The following CELF2 variants were observed in gnomAD, a reference collection of about 807,000 sequenced individuals.
The protein encoded by CELF2 is CUG triplet repeat RNA-binding protein 2.
In CELF2, 8 loss-of-function variants were observed where a neutral mutation model predicts 62.6. The ratio of observed to expected loss-of-function variants is 0.13; its 90% CI spans 0.07 to 0.23. The LOEUF is 0.23. Ranked by LOEUF, CELF2 falls within the 10% of genes least tolerant of loss-of-function variation. The pLI, the probability that CELF2 is intolerant of heterozygous loss-of-function variation, is 1.00. For synonymous variants in CELF2, 258 were observed against 250.0 expected (o/e 1.03, Z -0.30); for missense variants, 333 against 671.0 (o/e 0.50, Z 5.56).
rs56364371 is a variant in CELF2, at chr10:11,032,146, C to CAAAAAAA, written c.74+14002_74+14008dup. ...CTCCCAGCTCCACATAGGGCTTAGC[C>CAAAAAAA]AAAAAAAAAAAAAAAAAAAAAAAAA... On this transcript the variant is annotated intron_variant, in intron 1 of 12. Transcript: ENST00000633077. Among the ~76,000 whole-genome samples, 4 of 86,396 alleles carry CAAAAAAA rather than the reference C, an allele frequency of 4.6e-5. No individual in the cohort carries two copies. The South Asian group carries it at 1.1e-3, about 23-fold the overall frequency. 56.7% of individuals were successfully genotyped at this position (86,396 alleles called of 152,430 possible).
chr10:10,905,782 G>A (rs544046327), intron 1 of CELF2, among the ~76,000 whole-genome samples: 1 of 152,040 alleles, frequency 6.6e-6, no homozygotes, highest in East Asian at 1.9e-4. Flanking sequence ...GGAGGCTGAG[G>A]CAAGAGAATG....
chr10:10,928,104 C>T lies in CELF2; in HGVS notation c.89+8105C>T, dbSNP rs781023945. On this transcript the variant is annotated intron_variant, in intron 2 of 13. Transcript: ENST00000636488. The surrounding 1 kb of genome is among the most constrained non-coding windows in gnomAD (Gnocchi z 4.8). ...CTCCTTTCACCACCCTATTAAGTAA[C>T]CCCCCAACACACTTCCTATCACATC... Among the ~76,000 whole-genome samples, 1 of 152,114 alleles carries T rather than the reference C, an allele frequency of 6.6e-6. No homozygotes were observed.
rs567808205 is a variant in CELF2 at position 10,810,788 on chromosome 10, G to C, written c.53+11971G>C. Among the ~76,000 whole-genome samples, 4 of 152,222 alleles carry C rather than the reference G, an allele frequency of 2.6e-5. No homozygotes were observed. In the South Asian group the frequency reaches 8.3e-4, roughly 32 times the overall value. On this transcript the variant is annotated intron_variant, in intron 1 of 13. Coordinates refer to the CELF2 transcript ENST00000636488. ...AAGTCATGCCAACAAGAAGTGGGTA[G>C]AGTGAGTGCCATCGTGGTGGAGCTT...
rs2050643602 is a variant in CELF2 at position 11,098,807 on chromosome 10, G to A, written c.75-66679G>A. 6.6e-6 allele frequency among the ~76,000 whole-genome samples: 1 copy of A among 152,156 alleles called. No homozygotes were observed. The highest frequency in any genetic ancestry group is 1.5e-5 in the Non-Finnish European group (1 of 68,032). On this transcript the variant is annotated intron_variant, in intron 1 of 12. Coordinates refer to ENST00000633077, the MANE Select transcript of CELF2 (RefSeq NM_001326342.2). The surrounding 1 kb of genome is among the most constrained non-coding windows in gnomAD (Gnocchi z 4.0). ...ACTGCTGGACAGCTGATTTGACCGA[G>A]GCTTCTTGGCTCTGCACCGGGTGAT...
chr10:10,837,446 G>T (rs2058375772), intron 1 of CELF2, among the ~76,000 whole-genome samples: 1 of 152,186 alleles, frequency 6.6e-6, no homozygotes, highest in Non-Finnish European at 1.5e-5. Flanking sequence ...TTTATCAGCA[G>T]TGTGAAAACA....
chr10:11,179,072 A>G (rs945365755), intron 2 of CELF2, among the ~76,000 whole-genome samples: 35 of 152,368 alleles, frequency 2.3e-4, no homozygotes, highest in African/African-American at 8.4e-4. Context: ...TGATAATCCC[A>G]GGGAAAATTG....
chr10:10,942,009 AAAT>A (rs1217450423), intron 2 of CELF2, among the ~76,000 whole-genome samples: 2 of 151,370 alleles, frequency 1.3e-5, no homozygotes, highest in Admixed American at 1.3e-4. Context: ...AAAAAAAAAA[AAAT>A]CAAAAGTTAA....
intron 1 of CELF2, among the ~76,000 whole-genome samples, chr10:11,037,661 A>G (rs1163220803): frequency 6.6e-6 from 1 of 152,188 alleles, no homozygotes; most frequent in East Asian, 1.9e-4. Flanking sequence ...GTAATTTACT[A>G]AAAGAACGGT....
chr10:10,820,161 G>A (rs2056836466), intron 1 of CELF2, among the ~76,000 whole-genome samples: 1 of 152,146 alleles, frequency 6.6e-6, no homozygotes, highest in Non-Finnish European at 1.5e-5. Context: ...CTCCCGCCAT[G>A]ATTCTGAAGC....
chr10:10,465,867 T>A, the CELF2 span, among the ~76,000 whole-genome samples: 1 of 152,114 alleles, frequency 6.6e-6, no homozygotes, highest in Non-Finnish European at 1.5e-5. Context: ...TGTGTTCGTG[T>A]TGAATTGATG....
chr10:10,954,692 TA>T (rs1163802964), intron 2 of CELF2, among the ~76,000 whole-genome samples: 1 of 152,200 alleles, frequency 6.6e-6, no homozygotes, highest in Non-Finnish European at 1.5e-5. Flanking sequence ...AAGCAAATGG[TA>T]GAAAACATCC....
the CELF2 span, among the ~76,000 whole-genome samples, chr10:10,683,607 G>A: frequency 2.0e-5 from 3 of 152,276 alleles, no homozygotes; most frequent in South Asian, 6.2e-4. Flanking sequence ...AATAATAATG[G>A]AAAATACCTT....
chr10:10,876,545 A>G (rs951283861), intron 1 of CELF2, among the ~76,000 whole-genome samples: 2 of 152,168 alleles, frequency 1.3e-5, no homozygotes, highest in East Asian at 1.9e-4. Flanking sequence ...AATGAGATGT[A>G]GCAAACAGTG....
intron 2 of CELF2, chr10:10,935,174 G>A (rs1350885056): frequency 2.6e-5 from 4 of 152,178 alleles, no homozygotes; most frequent in Non-Finnish European, 5.9e-5. Flanking sequence ...TCACACCTTG[G>A]CCTGGTATTC....
chr10:11,042,127 T>G (rs2061950023), intron 1 of CELF2, among the ~76,000 whole-genome samples: 1 of 152,250 alleles, frequency 6.6e-6, no homozygotes, highest in African/African-American at 2.4e-5. Flanking sequence ...TGTTGATTTG[T>G]CAGAAGATTA....
At chr10:11,058,941 C>T (rs796748274) in intron 1 of CELF2, among the ~76,000 whole-genome samples, 6 of 151,746 alleles carry the variant, frequency 4.0e-5, no homozygotes, top group African/African-American at 7.3e-5. Context: ...TCACCATGTC[C>T]GGCTAATTTT....
the CELF2 span, among the ~76,000 whole-genome samples, chr10:10,464,501 C>T: frequency 1.1e-4 from 16 of 152,004 alleles, no homozygotes; most frequent in Admixed American, 3.3e-4. Flanking sequence ...ATTGAGGTGC[C>T]TCTTCTTTGT....
At chr10:11,062,699 C>T (rs963907122) in intron 1 of CELF2, among the ~76,000 whole-genome samples, 1 of 152,134 alleles carries the variant, frequency 6.6e-6, no homozygotes, top group Non-Finnish European at 1.5e-5. Flanking sequence ...GAGATGGACA[C>T]CTGGTGAAGA....
chr10:11,057,855 C>G (rs1194259323), intron 1 of CELF2, among the ~76,000 whole-genome samples: 12 of 152,162 alleles, frequency 7.9e-5, no homozygotes, highest in Non-Finnish European at 2.9e-5. Flanking sequence ...CAACAAGATT[C>G]TGACATTTGC....
Sources: allele counts gnomAD v4.1 joint callset (sites outside exome capture counted in the v4.1 genomes callset), GRCh38; gene constraint gnomAD v4.1.1; non-coding constraint Gnocchi (gnomAD v3.1); transcripts MANE v1.5; gene names NCBI Gene and HGNC (gene_info 2026-07-23, HGNC 2026-07-21).